The following BCAS3 variants were observed in gnomAD, a reference collection of about 807,000 sequenced individuals.
BCAS3 encodes BCAS3 microtubule associated cell migration factor.
In BCAS3, 53 loss-of-function variants were observed where a neutral mutation model predicts 116.1. The ratio of observed to expected loss-of-function variants is 0.46; its 90% confidence interval spans 0.37 to 0.57. The LOEUF (loss-of-function observed/expected upper bound fraction) is 0.57, where lower values mean the gene tolerates loss of function less well. Ranked by LOEUF, BCAS3 falls within the 20% of genes least tolerant of loss-of-function variation. The pLI is 0.00. For missense variants in BCAS3, 917 were observed against 1,165.4 expected (o/e 0.79, Z 3.10); for synonymous variants, 391 against 408.2 (o/e 0.96, Z 0.51).
At chr17:60,850,585 C>T (rs970829448) in intron 7 of BCAS3, among the ~76,000 whole-genome samples, 11 of 151,994 alleles carry the variant, frequency 7.2e-5, no homozygotes, top group African/African-American at 2.7e-4. Context: ...TCTCGAACTC[C>T]TGACCTCAGG....
In BCAS3 at chr17:60,752,284, A is replaced by G. The variant is rs555799973; in HGVS notation, c.403+5005A>G. ...ATTGCTAAAAATTATGTAACATTGT[A>G]TTGTATGGGTATTTATATTGTTTTT... is the stretch of plus-strand genomic sequence containing the variant. On this transcript the variant is annotated intron_variant, in intron 6 of 23. Transcript: ENST00000407086. 2.0e-5 allele frequency among the ~76,000 whole-genome samples: 3 copies of G among 151,954 alleles called. No individual in the cohort carries two copies. The East Asian group carries it at 5.8e-4, about 29-fold the overall frequency.
rs78439330 is a variant in BCAS3 at position 61,135,112 on chromosome 17, A to G, written c.2425+50548A>G. On this transcript the variant is annotated intron_variant, in intron 22 of 23. Coordinates refer to ENST00000407086, the MANE Select transcript of BCAS3 (RefSeq NM_017679.5). ...TGCGACGTGTGAAGTGCCCTGTTTC[A>G]TGCTTCTTATAATGACATGATAAGG... Among the ~76,000 whole-genome samples the G allele has an allele frequency of 1.4e-3, 212 of 152,312 alleles. 2 individuals are homozygous for G. The East Asian group carries it at 0.036, about 26-fold the overall frequency.
At position 61,104,249 on chromosome 17, in the gene BCAS3, G is replaced by A. The variant is rs928863011; in HGVS notation, c.2425+19685G>A. Among the ~76,000 whole-genome samples, 1 of 152,168 alleles carries A rather than the reference G, an allele frequency of 6.6e-6. No homozygotes were observed. The highest frequency in any genetic ancestry group is 2.4e-5 in the African/African-American group (1 of 41,426). On this transcript the variant is annotated intron_variant, in intron 22 of 23. Coordinates refer to ENST00000407086, the MANE Select transcript of BCAS3 (RefSeq NM_017679.5). The surrounding 1 kb of genome is among the most constrained non-coding windows in gnomAD (Gnocchi z 4.1). ...ACAGACTCATGTCAGCAAAGATGCT[G>A]AGAGTTTTATTCCAGTCTTTTAGGA...
In BCAS3 at chr17:60,711,791, G is replaced by A. The variant is rs182185631; in HGVS notation, c.321+2466G>A. Among the ~76,000 whole-genome samples, 34 of 152,054 alleles carry A rather than the reference G, an allele frequency of 2.2e-4. No individual in the cohort carries two copies. The East Asian group carries it at 2.7e-3, about 12-fold the overall frequency. ...ATTAGGGCCTGGTGTAGAGGCTGACGCTTGTAATCCCAGCACTTTGGGAGG... is the reference window on the plus strand; with the variant it reads ...ATTAGGGCCTGGTGTAGAGGCTGACACTTGTAATCCCAGCACTTTGGGAGG... On this transcript the variant is annotated intron_variant, in intron 5 of 23. Transcript: ENST00000407086.
intron 6 of BCAS3, among the ~76,000 whole-genome samples, chr17:60,776,845 A>G (rs1446748244): frequency 6.6e-6 from 1 of 151,840 alleles, no homozygotes. Context: ...GAGAAACCCC[A>G]TCTCTACTAA....
chr17:60,796,885 A>G (rs2047258569), intron 6 of BCAS3, among the ~76,000 whole-genome samples: 1 of 152,070 alleles, frequency 6.6e-6, no homozygotes, highest in African/African-American at 2.4e-5. Flanking sequence ...CCTTTGCTAT[A>G]TCCCAGAGGT....
chr17:61,283,751 C>A (rs771971456), intron 22 of BCAS3, among the ~76,000 whole-genome samples: 1 of 152,018 alleles, frequency 6.6e-6, no homozygotes, highest in African/African-American at 2.4e-5. Flanking sequence ...CCGCACTTGG[C>A]CGTAAATTGA....
chr17:61,116,208 A>T (rs1202180364), intron 22 of BCAS3, among the ~76,000 whole-genome samples: 1 of 151,974 alleles, frequency 6.6e-6, no homozygotes, highest in East Asian at 1.9e-4. Context: ...AACCTGCACA[A>T]TGTGCGCATG....
chr17:61,268,576 G>T (rs528721678), intron 22 of BCAS3, among the ~76,000 whole-genome samples: 27 of 150,904 alleles, frequency 1.8e-4, no homozygotes, highest in African/African-American at 2.9e-4. Context: ...GTCTTTCTGG[G>T]TTTTTTTTGT....
intron 22 of BCAS3, among the ~76,000 whole-genome samples, chr17:61,319,871 C>CT (rs748376637): frequency 4.7e-5 from 7 of 149,324 alleles, no homozygotes; most frequent in Non-Finnish European, 7.4e-5. Flanking sequence ...TTCTTTCTTT[C>CT]TTCTTCTTCT....
chr17:61,031,197 G>A lies in BCAS3; in HGVS notation c.1638-3469G>A, dbSNP rs554163109. On this transcript the variant is annotated intron_variant, in intron 16 of 23. Coordinates refer to ENST00000407086, the MANE Select transcript of BCAS3 (RefSeq NM_017679.5). ...AGAACAAGAGAGAAAAAAAAGGTTA[G>A]CATTGGAGTGCTTTCCTATGAGGGT... Among the ~76,000 whole-genome samples, 22 of 152,106 alleles carry A rather than the reference G, an allele frequency of 1.4e-4. 1 individual carries two copies. The East Asian group carries it at 2.3e-3, about 16-fold the overall frequency.
chr17:60,709,383 G>T, intron 5 of BCAS3, 58 bp downstream of exon 5: 1 of 1,063,782 alleles, frequency 9.4e-7, no homozygotes. Flanking sequence ...TAGCTTATGT[G>T]AAATCTGTAG....
chr17:60,718,222 A>C (rs534356656), intron 5 of BCAS3, among the ~76,000 whole-genome samples: 1 of 151,996 alleles, frequency 6.6e-6, no homozygotes, highest in East Asian at 1.9e-4. Flanking sequence ...GGGACCCCTC[A>C]ACTAGAATAT....
intron 10 of BCAS3, among the ~76,000 whole-genome samples, chr17:60,890,883 T>C (rs528614022): frequency 2.0e-4 from 30 of 152,336 alleles, no homozygotes; most frequent in African/African-American, 7.2e-4. Flanking sequence ...AGTAGTTATT[T>C]GGTAAAGCCA....
chr17:60,977,291 C>T (rs2062465743), intron 14 of BCAS3, among the ~76,000 whole-genome samples: 1 of 152,126 alleles, frequency 6.6e-6, no homozygotes, highest in African/African-American at 2.4e-5. Flanking sequence ...GCGATCCTCC[C>T]ACCTCAGCCT....
At chr17:60,824,842 A>G (rs2050244757) in intron 7 of BCAS3, among the ~76,000 whole-genome samples, 1 of 152,206 alleles carries the variant, frequency 6.6e-6, no homozygotes, top group African/African-American at 2.4e-5. Context: ...TTAGGTGGTC[A>G]TATACACATG....
chr17:61,305,148 T>C (rs1361032273), intron 22 of BCAS3, among the ~76,000 whole-genome samples: 2 of 152,192 alleles, frequency 1.3e-5, no homozygotes, highest in Non-Finnish European at 2.9e-5. Flanking sequence ...TGTATAGGGC[T>C]CTATCCCTCT....
chr17:61,389,964 G>A (rs77958608), intron 23 of BCAS3: 3,139 of 152,404 alleles, frequency 0.021, 59 homozygotes, highest in Middle Eastern at 0.054. Flanking sequence ...CCCCTGAGCT[G>A]TAAAAAGGGG....
intron 15 of BCAS3, among the ~76,000 whole-genome samples, chr17:60,998,997 G>T (rs1415782682): frequency 6.6e-6 from 1 of 152,136 alleles, no homozygotes; most frequent in Non-Finnish European, 1.5e-5. Context: ...TGTATGTGGT[G>T]AGTAGGTAGG....
Sources: gnomAD v4.1 joint callset for allele counts (sites outside exome capture counted in the v4.1 genomes callset) on GRCh38, gnomAD v4.1.1 for gene constraint, Gnocchi (gnomAD v3.1) non-coding constraint, MANE v1.5 for transcripts, NCBI Gene and HGNC (gene_info 2026-07-23, HGNC 2026-07-21) for gene names.